Variants in TSC22D1 observed in about 807,000 individuals in gnomAD.
TSC22D1 encodes the protein TSC22 domain family member 1.
TSC22D1 carries 9 observed loss-of-function variants against 74.2 expected under a neutral mutation model. The ratio of observed to expected loss-of-function variants is 0.12; its 90% confidence interval spans 0.07 to 0.21. TSC22D1 has a LOEUF of 0.21. Among genes scored for constraint, TSC22D1 ranks in the 10% least tolerant of loss-of-function variants. TSC22D1 has a pLI of 1.00. For synonymous variants in TSC22D1, 586 were observed against 492.5 expected, an observed-to-expected ratio of 1.19 and a Z score of -2.51; for missense variants, 1,427 against 1,304.7, an observed-to-expected ratio of 1.09 and a Z score of -1.44.
intron 1 of TSC22D1, among the ~76,000 whole-genome samples, chr13:44,540,499 T>C (rs1881403002): frequency 6.6e-6 from 1 of 152,158 alleles, no homozygotes; most frequent in African/African-American, 2.4e-5. Flanking sequence ...TATGAAAGCT[T>C]ATGACTACTG....
At chr13:44,435,894 A>G in intron 2 of TSC22D1, 150 bp downstream of exon 2, 1 of 844,888 alleles carries the variant, frequency 1.2e-6, no homozygotes, top group Admixed American at 2.1e-5. Flanking sequence ...AGGTGGCTCC[A>G]CGCTGGCCGA....
intron 1 of TSC22D1, among the ~76,000 whole-genome samples, chr13:44,443,940 A>G (rs995518706): frequency 4.6e-5 from 7 of 152,204 alleles, no homozygotes; most frequent in Admixed American, 3.9e-4. Context: ...AGGGGAATAA[A>G]GAATAGAATA....
intron 1 of TSC22D1, among the ~76,000 whole-genome samples, chr13:44,454,983 TG>T (rs1876461504): frequency 6.6e-6 from 1 of 152,200 alleles, no homozygotes; most frequent in South Asian, 2.1e-4. Flanking sequence ...TGTCAGGAAC[TG>T]TTCTAGGCAC....
At chr13:44,556,871 T>C (rs1404625835) in intron 1 of TSC22D1, among the ~76,000 whole-genome samples, 2 of 151,902 alleles carry the variant, frequency 1.3e-5, no homozygotes, top group Non-Finnish European at 2.9e-5. Flanking sequence ...AGGCCGAGCA[T>C]GGTGTCTCAC....
rs373237795 is a variant in TSC22D1, at chr13:44,570,714, T to C, written c.2912+2449A>G. Among the ~76,000 whole-genome samples, 10 of 152,178 alleles carry C rather than the reference T, an allele frequency of 6.6e-5. No individual in the cohort carries two copies. The East Asian group carries it at 1.3e-3, about 21-fold the overall frequency. On this transcript the variant is annotated intron_variant, in intron 1 of 2. Transcript: ENST00000458659. ...TGCCCAAATTATATTGTTAACACAT[T>C]TCCTGATTCATAATATTGAAATTAT...
At chr13:44,551,745 T>G (rs897683332) in intron 1 of TSC22D1, among the ~76,000 whole-genome samples, 1 of 151,910 alleles carries the variant, frequency 6.6e-6, no homozygotes, top group African/African-American at 2.4e-5. Context: ...TTTTAAAGAT[T>G]TTGACATAGG....
chr13:44,551,386 A>AGGGG (rs1882241859), intron 1 of TSC22D1, among the ~76,000 whole-genome samples: 2 of 93,930 alleles, frequency 2.1e-5, no homozygotes. Flanking sequence ...CCCCAATCAG[A>AGGGG]TGGGTGTGTG....
chr13:44,566,724 A>C (rs1883398183), intron 1 of TSC22D1, among the ~76,000 whole-genome samples: 1 of 152,218 alleles, frequency 6.6e-6, no homozygotes, highest in East Asian at 1.9e-4. Flanking sequence ...ATAAGCCCAC[A>C]AAAACTGAGG....
intron 1 of TSC22D1, among the ~76,000 whole-genome samples, chr13:44,466,490 C>T (rs111599876): frequency 4.1e-4 from 62 of 152,238 alleles, no homozygotes; most frequent in African/African-American, 1.1e-3. Flanking sequence ...ATTCCTTGGC[C>T]GGGCATAGTG....
At chr13:44,527,134 TA>T (rs1267462216) in intron 1 of TSC22D1, among the ~76,000 whole-genome samples, 2 of 152,030 alleles carry the variant, frequency 1.3e-5, no homozygotes, top group East Asian at 3.8e-4. Context: ...CTTTCTCAGA[TA>T]AAAATAGAGA....
At chr13:44,466,999 C>T (rs1026430812) in intron 1 of TSC22D1, among the ~76,000 whole-genome samples, 2 of 151,962 alleles carry the variant, frequency 1.3e-5, no homozygotes, top group African/African-American at 4.8e-5. Flanking sequence ...CCCATTTCTA[C>T]TAAAAATACA....
intron 1 of TSC22D1, among the ~76,000 whole-genome samples, chr13:44,506,528 TGGACCTAATACCTATGGTTGATCTGTGCA>T (rs1261183409): frequency 2.0e-5 from 3 of 152,220 alleles, no homozygotes; most frequent in African/African-American, 7.2e-5. Context: ...TAATGGATGC[TGGACCTAATACCTATGGTTGATCTGTGCA>T]GCAAATCACC....
At chr13:44,473,545 T>G (rs986411514) in intron 1 of TSC22D1, among the ~76,000 whole-genome samples, 11 of 152,010 alleles carry the variant, frequency 7.2e-5, no homozygotes, top group East Asian at 5.8e-4. Flanking sequence ...TACAATTGGA[T>G]GAGTACTTTT....
intron 1 of TSC22D1, chr13:44,538,215 A>G: frequency 1.0e-6 from 1 of 985,362 alleles, no homozygotes; most frequent in Non-Finnish European, 1.2e-6. Flanking sequence ...ACAGGTATGT[A>G]TTACTTTAGA....
chr13:44,565,517 A>G (rs1350302185), intron 1 of TSC22D1, among the ~76,000 whole-genome samples: 2 of 152,154 alleles, frequency 1.3e-5, no homozygotes, highest in East Asian at 3.8e-4. Context: ...AAAAGTTGTT[A>G]TAATTTTTTA....
intron 1 of TSC22D1, among the ~76,000 whole-genome samples, chr13:44,495,232 A>G (rs148774223): frequency 1.7e-3 from 257 of 151,172 alleles, no homozygotes; most frequent in Non-Finnish European, 2.7e-3. Context: ...TGATAAGCCA[A>G]TTTCTCAGCA....
intron 1 of TSC22D1, among the ~76,000 whole-genome samples, chr13:44,468,954 ATTCT>A (rs60550511): frequency 0.021 from 2,738 of 130,418 alleles, 131 homozygotes; most frequent in African/African-American, 0.065. Flanking sequence ...AGGCTTTTAA[ATTCT>A]TTCTGTATTC....
chr13:44,437,994 A>G (rs1874878150), intron 1 of TSC22D1, among the ~76,000 whole-genome samples: 1 of 152,224 alleles, frequency 6.6e-6, no homozygotes. Context: ...GTGGGTATAA[A>G]ATAGCTTAAC....
chr13:44,523,288 C>G (rs1880400702), intron 1 of TSC22D1, among the ~76,000 whole-genome samples: 1 of 152,152 alleles, frequency 6.6e-6, no homozygotes, highest in Non-Finnish European at 1.5e-5. Flanking sequence ...AGCAATTGCA[C>G]ACACAGGTAT....
Sources: allele counts gnomAD v4.1 joint callset (sites outside exome capture counted in the v4.1 genomes callset), GRCh38; gene constraint gnomAD v4.1.1; transcripts MANE v1.5; gene names NCBI Gene and HGNC (gene_info 2026-07-23, HGNC 2026-07-21).